The following MAST4 variants were observed in gnomAD, a reference collection of about 807,000 sequenced individuals.
MAST4 encodes microtubule-associated serine/threonine-protein kinase 4.
MAST4 carries 89 observed loss-of-function variants against 162.7 expected under a neutral mutation model. The observed-to-expected ratio is 0.55, with a 90% CI of 0.46 to 0.65. The LOEUF is 0.65. MAST4 is among the 30% of genes least tolerant of loss of function. The pLI is 0.00. For synonymous variants in MAST4, 1,479 were observed against 1,361.1 expected (o/e 1.09, Z -1.91); for missense variants, 3,153 against 3,374.0 (o/e 0.93, Z 1.62).
chr5:67,078,767 T>TATATATATTTATTTATATTTATCTAA (rs1561620675), intron 5 of MAST4, among the ~76,000 whole-genome samples: 2 of 117,252 alleles, frequency 1.7e-5, no homozygotes, highest in African/African-American at 7.9e-5. Flanking sequence ...TTTATCTAAA[T>TATATATATTTATTTATATTTATCTAA]ATATATATTT....
intron 4 of MAST4, among the ~76,000 whole-genome samples, chr5:66,943,132 A>G (rs1743560201): frequency 6.6e-6 from 1 of 152,126 alleles, no homozygotes; most frequent in Non-Finnish European, 1.5e-5. Flanking sequence ...AAATGCAAAC[A>G]TTCAAACCAT....
intron 4 of MAST4, among the ~76,000 whole-genome samples, chr5:67,031,905 A>G (rs777288758): frequency 2.0e-5 from 3 of 152,092 alleles, no homozygotes; most frequent in Admixed American, 6.6e-5. Flanking sequence ...ACAGGTGGAG[A>G]ACTAGATCAC....
chr5:67,041,907 C>T (rs186271027), intron 4 of MAST4, among the ~76,000 whole-genome samples: 1 of 152,348 alleles, frequency 6.6e-6, no homozygotes, highest in African/African-American at 2.4e-5. Flanking sequence ...GGATTACAGG[C>T]ATGAGCCACT....
intron 4 of MAST4, among the ~76,000 whole-genome samples, chr5:66,901,758 A>G (rs1177991109): frequency 6.6e-6 from 1 of 152,224 alleles, no homozygotes; most frequent in East Asian, 1.9e-4. Flanking sequence ...AAAAATAAAC[A>G]TGCTATTTTG....
chr5:67,082,748 AGACCATGTTTCT>A (rs1342387652), intron 5 of MAST4, among the ~76,000 whole-genome samples: 2 of 152,202 alleles, frequency 1.3e-5, no homozygotes, highest in Non-Finnish European at 2.9e-5. Context: ...TAGAGTTATA[AGACCATGTTTCT>A]GACTTATTTA....
At chr5:66,910,741 CTTTTTTTTTTTTTCT>C (rs1235972348) in intron 4 of MAST4, among the ~76,000 whole-genome samples, 43 of 20,072 alleles carry the variant, frequency 2.1e-3, no homozygotes, top group Non-Finnish European at 3.8e-3. Context: ...TTTTTTTTTT[CTTTTTTTTTTTTTCT>C]TTTTTTTTTT....
At position 67,160,578 on chromosome 5, in the gene MAST4, A is replaced by G. The variant is rs1025026563; in HGVS notation, c.3771A>G (p.Lys1257=). Reference sequence around the variant, plus strand: ...GGCGGAGCAAGAAATCCAAGAAGAAAGAAAGTCTCGAAAGGTTAGTAAAAT... The same window carrying G: ...GGCGGAGCAAGAAATCCAAGAAGAAGGAAAGTCTCGAAAGGTTAGTAAAAT... The part of the protein sequence containing the change: ...MVRRSKKSKK[K]ESLERRRSLF... Residue 1257 remains lysine, a synonymous_variant, in exon 27 of 29, where the codon AAA becomes AAG. Coordinates refer to ENST00000403625, the MANE Select transcript of MAST4 (RefSeq NM_001164664.2). 5.0e-6 allele frequency: 8 copies of G among 1,613,612 alleles called. No individual in the cohort carries two copies. In the African/African-American group the frequency reaches 6.7e-5, roughly 13 times the overall value.
chr5:67,144,905 C>T (rs1770874259), intron 22 of MAST4, 109 bp downstream of exon 22: 1 of 1,323,414 alleles, frequency 7.6e-7, no homozygotes, highest in African/African-American at 1.5e-5. Context: ...CACAGATCTC[C>T]CACTTCCAGA....
intron 4 of MAST4, among the ~76,000 whole-genome samples, chr5:66,983,653 G>A (rs1159799032): frequency 6.6e-6 from 1 of 152,178 alleles, no homozygotes; most frequent in East Asian, 1.9e-4. Context: ...CTACAAAACT[G>A]AGGGGGAGGG....
chr5:66,824,289 T>C (rs1472898800), intron 3 of MAST4, among the ~76,000 whole-genome samples: 3 of 152,188 alleles, frequency 2.0e-5, no homozygotes, highest in African/African-American at 7.2e-5. Flanking sequence ...CACCAAGAAC[T>C]CTGACTGGTG....
chr5:67,109,549 C>A lies in MAST4; in HGVS notation c.1357-549C>A, dbSNP rs368359342. Among the ~76,000 whole-genome samples, 40 of 152,176 alleles carry A rather than the reference C, an allele frequency of 2.6e-4. 1 individual carries two copies. In the South Asian group the frequency reaches 8.3e-3, roughly 32 times the overall value. The stretch of plus-strand genomic sequence containing the variant: ...AGCATTTTGGATAAAGGATACCCAA[C>A]TGGTATATACTTTATCCAGCTAACA... On this transcript the variant is annotated intron_variant, in intron 10 of 28. Coordinates refer to ENST00000403625, the MANE Select transcript of MAST4 (RefSeq NM_001164664.2).
At chr5:67,024,303 C>A (rs1439155731) in intron 4 of MAST4, among the ~76,000 whole-genome samples, 1 of 145,898 alleles carries the variant, frequency 6.9e-6, no homozygotes, top group Non-Finnish European at 1.5e-5. Flanking sequence ...CAGCCTGAAA[C>A]AAGGAAGATA....
At chr5:67,072,365 C>A (rs1217191020) in intron 5 of MAST4, among the ~76,000 whole-genome samples, 2 of 152,154 alleles carry the variant, frequency 1.3e-5, no homozygotes, top group East Asian at 3.8e-4. Flanking sequence ...ACATCCATTT[C>A]TGCTAAAAAT....
chr5:66,846,018 A>G (rs1758830911), intron 3 of MAST4, among the ~76,000 whole-genome samples: 1 of 152,136 alleles, frequency 6.6e-6, no homozygotes, highest in Non-Finnish European at 1.5e-5. Flanking sequence ...CATTTCTATC[A>G]CATACCCTTG....
intron 4 of MAST4, among the ~76,000 whole-genome samples, chr5:66,939,669 A>G (rs932799256): frequency 6.6e-6 from 1 of 151,982 alleles, no homozygotes; most frequent in Non-Finnish European, 1.5e-5. Context: ...AACATTTGTG[A>G]TGAATATACT....
At chr5:67,161,602 T>C (rs894734156) in intron 27 of MAST4, among the ~76,000 whole-genome samples, 9 of 152,192 alleles carry the variant, frequency 5.9e-5, no homozygotes, top group Admixed American at 1.3e-4. Context: ...TTTAGCAATA[T>C]GTAGACAAAT....
intron 4 of MAST4, among the ~76,000 whole-genome samples, chr5:67,031,204 G>A (rs558056467): frequency 5.3e-5 from 8 of 152,232 alleles, no homozygotes; most frequent in Non-Finnish European, 7.4e-5. Flanking sequence ...GCTACTCTTT[G>A]CTGCTTTCCT....
intron 11 of MAST4, among the ~76,000 whole-genome samples, chr5:67,113,424 G>A (rs1177254408): frequency 2.0e-5 from 3 of 150,316 alleles, no homozygotes; most frequent in South Asian, 2.1e-4. Context: ...CACACTAGAC[G>A]CAAGAGGCAG....
At chr5:66,641,935 T>A (rs191805472) in intron 1 of MAST4, among the ~76,000 whole-genome samples, 35 of 152,316 alleles carry the variant, frequency 2.3e-4, no homozygotes, top group Admixed American at 2.3e-3. Flanking sequence ...GAATTGCACC[T>A]CCGGATGATG....
Sources: allele counts gnomAD v4.1 joint callset (sites outside exome capture counted in the v4.1 genomes callset), GRCh38; gene constraint gnomAD v4.1.1; transcripts MANE v1.5; gene names NCBI Gene and HGNC (gene_info 2026-07-23, HGNC 2026-07-21).